RIN2: variants seen among roughly 807,000 people sequenced by gnomAD.
The protein encoded by RIN2 is Ras and Rab interactor 2.
In RIN2, 36 loss-of-function variants were observed where a neutral mutation model predicts 78.0. The observed-to-expected ratio is 0.46, with a 90% CI of 0.35 to 0.61. The LOEUF is 0.61. Among genes scored for constraint, RIN2 ranks in the 20% least tolerant of loss-of-function variants. RIN2 has a pLI of 0.00. For missense variants in RIN2, 1,087 were observed against 1,159.7 expected (o/e 0.94, Z 0.91); for synonymous variants, 466 against 466.8 (o/e 1.00, Z 0.02).
intron 9 of RIN2, among the ~76,000 whole-genome samples, chr20:19,984,138 A>C (rs1331666128): frequency 7.9e-5 from 12 of 151,802 alleles, no homozygotes; most frequent in Admixed American, 7.9e-4. Context: ...ATAGGTGGGA[A>C]TTGAACAATG....
chr20:19,833,954 TCTC>T (rs2036328986), intron 2 of RIN2, among the ~76,000 whole-genome samples: 1 of 151,942 alleles, frequency 6.6e-6, no homozygotes, highest in African/African-American at 2.4e-5. Context: ...CCCGTCCCCT[TCTC>T]CTGAGAGCTT....
rs959953649 is a variant in RIN2 at position 19,765,129 on chromosome 20, C to T, written c.-163+6802C>T. Reference sequence around the variant, plus strand: ...CCTCCCAAAGTGCTGGGATTACAGGCGTGAGCCACCGTGCCAGGCCACTTT... The same window carrying T: ...CCTCCCAAAGTGCTGGGATTACAGGTGTGAGCCACCGTGCCAGGCCACTTT... On this transcript the variant is annotated intron_variant, in intron 1 of 12. Coordinates refer to ENST00000255006, the MANE Select transcript of RIN2 (RefSeq NM_018993.4). Among the ~76,000 whole-genome samples, 4 of 151,880 alleles carry T rather than the reference C, an allele frequency of 2.6e-5. No homozygotes were observed. The East Asian group carries it at 7.7e-4, about 29-fold the overall frequency.
chr20:19,827,289 C>G (rs1306383246), intron 2 of RIN2, among the ~76,000 whole-genome samples: 1 of 152,122 alleles, frequency 6.6e-6, no homozygotes, highest in South Asian at 2.1e-4. Flanking sequence ...TTCTAATTTT[C>G]TAGTCTAATA....
intron 2 of RIN2, among the ~76,000 whole-genome samples, chr20:19,835,663 C>T (rs75789965): frequency 0.012 from 1,776 of 152,130 alleles, 11 homozygotes; most frequent in Non-Finnish European, 0.014. Flanking sequence ...TCTCAAAAGC[C>T]GTCTTCCCTG....
intron 3 of RIN2, among the ~76,000 whole-genome samples, chr20:19,927,311 C>A (rs898101074): frequency 6.6e-6 from 1 of 151,946 alleles, no homozygotes; most frequent in Non-Finnish European, 1.5e-5. Flanking sequence ...GCAGTGGCAC[C>A]GTCATGGCTC....
chr20:19,809,761 G>A (rs1188208290), intron 2 of RIN2: 6 of 152,210 alleles, frequency 3.9e-5, no homozygotes, highest in African/African-American at 1.4e-4. Context: ...AGTCCACAGA[G>A]GAGGACGCCT....
chr20:19,889,760 G>C (rs754801113), intron 3 of RIN2, 102 bp downstream of exon 3: 28 of 905,648 alleles, frequency 3.1e-5, no homozygotes, highest in Middle Eastern at 2.8e-4. Flanking sequence ...TGCTCTCTGA[G>C]CCAGCACCGG....
chr20:19,945,334 G>A (rs1382741176), intron 4 of RIN2, among the ~76,000 whole-genome samples: 3 of 152,108 alleles, frequency 2.0e-5, no homozygotes, highest in Non-Finnish European at 4.4e-5. Flanking sequence ...GCACTCACAT[G>A]GGCAGGAGGT....
intron 4 of RIN2, among the ~76,000 whole-genome samples, chr20:19,948,280 G>A (rs968148509): frequency 5.9e-5 from 9 of 152,132 alleles, no homozygotes; most frequent in African/African-American, 1.7e-4. Context: ...ATCTCCATAG[G>A]GGACTTGCCA....
chr20:19,992,340 T>A (rs1278505876), intron 11 of RIN2, 41 bp downstream of exon 11: 1 of 1,510,508 alleles, frequency 6.6e-7, no homozygotes, highest in Non-Finnish European at 8.9e-7. Flanking sequence ...TGGGTGCTAT[T>A]TTTTTCATTT....
intron 2 of RIN2, among the ~76,000 whole-genome samples, chr20:19,865,660 A>C (rs1183744023): frequency 6.6e-6 from 1 of 151,546 alleles, no homozygotes; most frequent in South Asian, 2.1e-4. Context: ...GCTAATTTTT[A>C]TTTTTTATTT....
chr20:19,944,083 A>T (rs951119959), intron 4 of RIN2, among the ~76,000 whole-genome samples: 1 of 147,716 alleles, frequency 6.8e-6, no homozygotes, highest in South Asian at 2.2e-4. Context: ...AAATCATTGG[A>T]TATCAACTTC....
At chr20:19,859,128 G>A (rs1455809833) in intron 2 of RIN2, among the ~76,000 whole-genome samples, 2 of 152,158 alleles carry the variant, frequency 1.3e-5, no homozygotes, top group Non-Finnish European at 2.9e-5. Context: ...TAGAATGTTG[G>A]GACTACATTG....
intron 6 of RIN2, among the ~76,000 whole-genome samples, chr20:19,962,513 T>C (rs1355329141): frequency 6.6e-6 from 1 of 152,170 alleles, no homozygotes; most frequent in African/African-American, 2.4e-5. Context: ...TCCCCCATAA[T>C]TTGACAAGGC....
intron 3 of RIN2, among the ~76,000 whole-genome samples, chr20:19,930,109 C>T (rs1489402675): frequency 2.0e-5 from 3 of 151,856 alleles, no homozygotes; most frequent in Admixed American, 6.6e-5. Flanking sequence ...GGGGGGGATG[C>T]GAGGGACCAA....
intron 2 of RIN2, among the ~76,000 whole-genome samples, chr20:19,871,398 C>T (rs1338675066): frequency 6.6e-6 from 1 of 152,174 alleles, no homozygotes; most frequent in African/African-American, 2.4e-5. Flanking sequence ...TGACACCCAG[C>T]TGAAGCTTCA....
At chr20:19,844,606 CTTCTTCTTCTTCTTCTTCTTCTTCT>C (rs2036688208) in intron 2 of RIN2, among the ~76,000 whole-genome samples, 3 of 49,050 alleles carry the variant, frequency 6.1e-5, no homozygotes, top group African/African-American at 3.2e-4. Context: ...TCTTCCTCTT[CTTCTTCTTCTTCTTCTTCTTCTTCT>C]TCTTCTTCTT....
intron 7 of RIN2, among the ~76,000 whole-genome samples, chr20:19,966,576 C>A (rs620546): frequency 0.017 from 2,619 of 151,972 alleles, 70 homozygotes; most frequent in African/African-American, 0.054. Context: ...CGCCCGCCTC[C>A]GCCTCCCAAA....
intron 9 of RIN2, among the ~76,000 whole-genome samples, chr20:19,985,100 AAAG>A (rs2042583702): frequency 6.6e-6 from 1 of 152,160 alleles, no homozygotes; most frequent in African/African-American, 2.4e-5. Context: ...TTTGCCTCTC[AAAG>A]TCTCACTGCC....
Sources: gnomAD v4.1 joint callset for allele counts (sites outside exome capture counted in the v4.1 genomes callset) on GRCh38, gnomAD v4.1.1 for gene constraint, MANE v1.5 for transcripts, NCBI Gene and HGNC (gene_info 2026-07-23, HGNC 2026-07-21) for gene names.